RIMBP2: variants seen among roughly 807,000 people sequenced by gnomAD.
RIMBP2 encodes the protein RIMS-binding protein 2.
Under a neutral mutation model 118.6 loss-of-function variants are expected in RIMBP2, and 48 were observed. The observed-to-expected ratio is 0.40, with a 90% CI of 0.32 to 0.51. The LOEUF is 0.51. Ranked by LOEUF, RIMBP2 falls within the 20% of genes least tolerant of loss-of-function variation. RIMBP2 has a pLI of 0.41. For missense variants in RIMBP2, 1,551 were observed against 1,768.3 expected (o/e 0.88, Z 2.20); for synonymous variants, 762 against 742.9 (o/e 1.03, Z -0.42).
At position 130,419,699 on chromosome 12, in the gene RIMBP2, A is replaced by G. The variant is rs2076303680; in HGVS notation, c.3238+2754T>C. The G allele has an allele frequency of 6.6e-6, 1 of 152,246 alleles. No individual in the cohort carries two copies. The highest frequency in any genetic ancestry group is 1.9e-4 in the East Asian group (1 of 5,198). 9.4% of individuals were successfully genotyped at this position (152,246 alleles called of 1,614,324 possible). A position where few individuals can be genotyped will look rare whatever the true frequency, so the allele number is the denominator to read the frequency against. ...GGCTCAGTAGCCAAAATAACAAAAA[A>G]TGGGAGAATACAGAGGAGATATTCA... On this transcript the variant is annotated intron_variant, in intron 17 of 22. Coordinates refer to ENST00000690449, the MANE Select transcript of RIMBP2 (RefSeq NM_001393629.1). The surrounding 1 kb of genome is among the most constrained non-coding windows in gnomAD (Gnocchi z 4.3).
chr12:130,664,389 GCACACA>G (rs559660899), intron 1 of RIMBP2, among the ~76,000 whole-genome samples: 6 of 82,496 alleles, frequency 7.3e-5, no homozygotes, highest in Non-Finnish European at 8.6e-5. Flanking sequence ...GCACGCGCAT[GCACACA>G]CACGCACGCA....
chr12:130,641,606 GCAGAGAGCC>G (rs1226009921), intron 1 of RIMBP2, among the ~76,000 whole-genome samples: 1 of 152,220 alleles, frequency 6.6e-6, no homozygotes, highest in Non-Finnish European at 1.5e-5. Flanking sequence ...AGCCTCATGG[GCAGAGAGCC>G]CCTCATTAGT....
intron 2 of RIMBP2, among the ~76,000 whole-genome samples, chr12:130,590,378 G>T (rs184434838): frequency 2.6e-5 from 4 of 152,122 alleles, no homozygotes; most frequent in Non-Finnish European, 5.9e-5. Context: ...AGCACAAAGA[G>T]GCCAGCGGTC....
chr12:130,546,996 G>T (rs2055244630), intron 2 of RIMBP2, among the ~76,000 whole-genome samples: 1 of 152,168 alleles, frequency 6.6e-6, no homozygotes, highest in South Asian at 2.1e-4. Flanking sequence ...CAGTGCTGGG[G>T]AGGAGGAGGG....
At chr12:130,643,734 C>G (rs1345974638) in intron 1 of RIMBP2, among the ~76,000 whole-genome samples, 1 of 152,210 alleles carries the variant, frequency 6.6e-6, no homozygotes, top group Non-Finnish European at 1.5e-5. Context: ...CAGTGAATAA[C>G]ACGGGGCAAG....
rs986898086 is a variant in RIMBP2, at chr12:130,450,024, G to A, written c.581+176C>T. Among the ~76,000 whole-genome samples, 5 of 152,008 alleles carry A rather than the reference G, an allele frequency of 3.3e-5. No individual in the cohort carries two copies. The highest frequency in any genetic ancestry group is 1.3e-4 in the Admixed American group (2 of 15,284). On this transcript the variant is annotated intron_variant, in intron 9 of 22. Transcript: ENST00000690449. The surrounding 1 kb of genome is among the most constrained non-coding windows in gnomAD (Gnocchi z 4.8). ...GTCATGGCAGCCCTGGGAGACTTGCGTGCCACCCAAACTCTCTCCACCGAA... is the reference window on the plus strand; with the variant it reads ...GTCATGGCAGCCCTGGGAGACTTGCATGCCACCCAAACTCTCTCCACCGAA...
chr12:130,617,924 G>C lies in RIMBP2; in HGVS notation c.-217+10398C>G, dbSNP rs1430655733. On this transcript the variant is annotated intron_variant, in intron 2 of 22. Transcript: ENST00000690449. The surrounding 1 kb of genome is among the most constrained non-coding windows in gnomAD (Gnocchi z 4.6). ...ACATCTAACTCGGCCGGGTGTGGTG[G>C]CCCACGCCTGTAATCCCAGTACCTT... Among the ~76,000 whole-genome samples the C allele has an allele frequency of 6.8e-6, 1 of 147,288 alleles. No homozygotes were observed. Among genetic ancestry groups the C allele is most frequent in the East Asian group, 2.0e-4 (1 of 4,920 alleles).
At chr12:130,631,541 C>T (rs2061994137) in intron 1 of RIMBP2, among the ~76,000 whole-genome samples, 1 of 152,062 alleles carries the variant, frequency 6.6e-6, no homozygotes, top group Non-Finnish European at 1.5e-5. Context: ...CACACGTTTC[C>T]CTGAATCATG....
chr12:130,405,683 G>A (rs1034844144), intron 21 of RIMBP2, among the ~76,000 whole-genome samples: 2 of 151,918 alleles, frequency 1.3e-5, no homozygotes, highest in African/African-American at 2.4e-5. Context: ...GGGTGGGGGC[G>A]GGGTGGGGGG....
In RIMBP2 at chr12:130,578,693, T is replaced by C. The variant is rs1365870615; in HGVS notation, c.-217+49629A>G. ...CCCCTTCTCAGAGACTTCCCCTCGC[T>C]ACCCAACGACCGAGTCCCTCACCCT... On this transcript the variant is annotated intron_variant, in intron 2 of 22. Transcript: ENST00000690449. The surrounding 1 kb of genome is among the most constrained non-coding windows in gnomAD (Gnocchi z 4.1). Among the ~76,000 whole-genome samples, 1 of 152,180 alleles carries C rather than the reference T, an allele frequency of 6.6e-6. No homozygotes were observed. The highest frequency in any genetic ancestry group is 1.5e-5 in the Non-Finnish European group (1 of 68,028).
intron 2 of RIMBP2, among the ~76,000 whole-genome samples, chr12:130,580,026 T>TA (rs751089637): frequency 4.3e-4 from 7 of 16,394 alleles, no homozygotes; most frequent in Non-Finnish European, 6.5e-4. Flanking sequence ...CTACCAAAAA[T>TA]ACAAAAAAAA....
chr12:130,677,796 G>C (rs910558180), intron 1 of RIMBP2, among the ~76,000 whole-genome samples: 18 of 152,132 alleles, frequency 1.2e-4, no homozygotes, highest in Non-Finnish European at 1.6e-4. Flanking sequence ...TTCCACCACT[G>C]TCCCCCCAAA....
intron 1 of RIMBP2, among the ~76,000 whole-genome samples, chr12:130,673,433 G>A (rs1374942061): frequency 6.6e-6 from 1 of 152,176 alleles, no homozygotes; most frequent in African/African-American, 2.4e-5. Flanking sequence ...AGGCACTGAA[G>A]AACCTTGTGA....
intron 2 of RIMBP2, among the ~76,000 whole-genome samples, chr12:130,588,929 G>A (rs768909199): frequency 2.8e-4 from 43 of 152,190 alleles, no homozygotes; most frequent in Non-Finnish European, 1.3e-4. Context: ...CAAGCCCCAC[G>A]GGGGATTTGC....
intron 1 of RIMBP2, among the ~76,000 whole-genome samples, chr12:130,643,294 G>A (rs1336643596): frequency 6.6e-6 from 1 of 152,270 alleles, no homozygotes; most frequent in Non-Finnish European, 1.5e-5. Flanking sequence ...CCATTGGCAG[G>A]TCCTGTGATG....
chr12:130,574,348 C>T (rs2057926800), intron 2 of RIMBP2, among the ~76,000 whole-genome samples: 1 of 152,078 alleles, frequency 6.6e-6, no homozygotes, highest in Non-Finnish European at 1.5e-5. Context: ...CGAGCTACCT[C>T]CTTCCCTAGG....
chr12:130,553,098 A>G (rs915632642), intron 2 of RIMBP2, among the ~76,000 whole-genome samples: 5 of 151,704 alleles, frequency 3.3e-5, no homozygotes, highest in Non-Finnish European at 7.4e-5. Context: ...GCTTGCAGTG[A>G]GCCGAGATCG....
At chr12:130,417,505 A>T (rs1000933739) in intron 17 of RIMBP2, among the ~76,000 whole-genome samples, 66 of 152,228 alleles carry the variant, frequency 4.3e-4, no homozygotes, top group African/African-American at 1.6e-3. Context: ...ACTCTCACTT[A>T]TAAGTGGGAG....
chr12:130,646,129 C>CACTACTGCAAAACGGATTG (rs71433371), intron 1 of RIMBP2, among the ~76,000 whole-genome samples: 1 of 109,782 alleles, frequency 9.1e-6, no homozygotes, highest in African/African-American at 3.1e-5. Flanking sequence ...CCACCTGCCT[C>CACTACTGCAAAACGGATTG]TCCACCTCCC....
Sources: allele counts gnomAD v4.1 joint callset (sites outside exome capture counted in the v4.1 genomes callset), GRCh38; gene constraint gnomAD v4.1.1; non-coding constraint Gnocchi (gnomAD v3.1); transcripts MANE v1.5; gene names NCBI Gene and HGNC (gene_info 2026-07-23, HGNC 2026-07-21).